Variants in KCNMA1 observed in about 807,000 individuals in gnomAD.
KCNMA1 encodes the protein potassium calcium-activated channel subfamily M alpha 1.
Under a neutral mutation model 140.0 loss-of-function variants are expected in KCNMA1, and 29 were observed. The ratio of observed to expected loss-of-function variants is 0.21; its 90% CI spans 0.15 to 0.28. The LOEUF (loss-of-function observed/expected upper bound fraction) is 0.28. Among genes scored for constraint, KCNMA1 ranks in the 10% least tolerant of loss-of-function variants. KCNMA1 has a pLI of 1.00. For synonymous variants in KCNMA1, 612 were observed against 611.9 expected, an observed-to-expected ratio of 1.00 and a Z score of 0.00; for missense variants, 880 against 1,602.2, an observed-to-expected ratio of 0.55 and a Z score of 7.70.
intron 19 of KCNMA1, among the ~76,000 whole-genome samples, chr10:76,979,235 T>C (rs2078650510): frequency 6.6e-6 from 1 of 152,206 alleles, no homozygotes; most frequent in Admixed American, 6.5e-5. Flanking sequence ...CTCGTGGATT[T>C]ACAAATTGTC....
chr10:77,284,067 A>G (rs1419066357), intron 2 of KCNMA1, among the ~76,000 whole-genome samples: 1 of 152,194 alleles, frequency 6.6e-6, no homozygotes, highest in African/African-American at 2.4e-5. Flanking sequence ...CAGTGGCAAG[A>G]AAGACTATGG....
chr10:76,960,646 T>TTTTTTTAC (rs1565205821), intron 20 of KCNMA1, among the ~76,000 whole-genome samples: 2 of 139,990 alleles, frequency 1.4e-5, no homozygotes, highest in Non-Finnish European at 3.1e-5. Context: ...TTTTTTTTTT[T>TTTTTTTAC]ACAAATTGAA....
chr10:77,046,482 G>T (rs894048643), intron 14 of KCNMA1, among the ~76,000 whole-genome samples: 3 of 152,100 alleles, frequency 2.0e-5, no homozygotes, highest in African/African-American at 7.2e-5. Flanking sequence ...TGTTTGGGCT[G>T]GTTACTAAAA....
intron 2 of KCNMA1, among the ~76,000 whole-genome samples, chr10:77,316,424 A>G (rs2080899137): frequency 6.6e-6 from 1 of 152,188 alleles, no homozygotes; most frequent in African/African-American, 2.4e-5. Context: ...TAAAATACAG[A>G]AGATTTACCA....
intron 26 of KCNMA1, chr10:76,891,317 G>T (rs1727742228): frequency 1.7e-6 from 1 of 598,482 alleles, no homozygotes; most frequent in Non-Finnish European, 3.0e-6. Flanking sequence ...TATATCAAAG[G>T]GTTGCTATGA....
At chr10:77,260,662 T>C (rs1324767770) in intron 2 of KCNMA1, among the ~76,000 whole-genome samples, 1 of 151,972 alleles carries the variant, frequency 6.6e-6, no homozygotes, top group African/African-American at 2.4e-5. Flanking sequence ...TGAGCTGAGA[T>C]CATACCACTG....
At position 77,344,970 on chromosome 10, in the gene KCNMA1, AT is replaced by A. The variant is rs558083355; in HGVS notation, c.540+58891del. 1.7e-3 allele frequency among the ~76,000 whole-genome samples: 256 copies of A among 152,226 alleles called. 2 individuals carry two copies. The highest frequency in any genetic ancestry group is 6.0e-3 in the African/African-American group (249 of 41,552). ...TGTGTTAGTCTTCATAACAATCTTC[AT>A]TTATTCTTTTTGATTATTCCCATGT... On this transcript the variant is annotated intron_variant, in intron 2 of 27. Transcript: ENST00000286628.
intron 2 of KCNMA1, among the ~76,000 whole-genome samples, chr10:77,300,558 T>C (rs1434370217): frequency 6.6e-6 from 1 of 152,216 alleles, no homozygotes; most frequent in Non-Finnish European, 1.5e-5. Context: ...CATATGTTAA[T>C]ACATACTTAA....
intron 1 of KCNMA1, among the ~76,000 whole-genome samples, chr10:77,514,919 A>T (rs2049855657): frequency 6.6e-6 from 1 of 151,396 alleles, no homozygotes; most frequent in Non-Finnish European, 1.5e-5. Context: ...TTTTTTTTCC[A>T]GTAATACAGC....
chr10:77,219,707 C>T (rs2048954652), intron 3 of KCNMA1, among the ~76,000 whole-genome samples: 1 of 152,164 alleles, frequency 6.6e-6, no homozygotes, highest in Admixed American at 6.5e-5. Context: ...GCAAGCTCTG[C>T]CTCCCGGGTT....
intron 3 of KCNMA1, among the ~76,000 whole-genome samples, chr10:77,242,778 T>C (rs181388046): frequency 3.3e-5 from 5 of 152,174 alleles, no homozygotes; most frequent in Admixed American, 2.6e-4. Context: ...ATTGGTACCT[T>C]TAAGGCCACA....
intron 25 of KCNMA1, among the ~76,000 whole-genome samples, chr10:76,897,033 C>CA (rs1003072529): frequency 2.6e-5 from 4 of 151,674 alleles, no homozygotes; most frequent in Non-Finnish European, 5.9e-5. Context: ...CACACACACA[C>CA]ACACACACAC....
At position 77,398,779 on chromosome 10, in the gene KCNMA1, C is replaced by A. The variant is rs539449174; in HGVS notation, c.540+5083G>T. On this transcript the variant is annotated intron_variant, in intron 2 of 27. Transcript: ENST00000286628. Reference sequence around the variant, plus strand: ...TACTATCTGGCCTTTTATGGAAAAACTTACCAACCCTGAATTTGACTACCA... The same window carrying A: ...TACTATCTGGCCTTTTATGGAAAAAATTACCAACCCTGAATTTGACTACCA... 3.9e-5 allele frequency among the ~76,000 whole-genome samples: 6 copies of A among 152,302 alleles called. No individual in the cohort carries two copies. In the East Asian group the frequency reaches 1.2e-3, roughly 29 times the overall value.
At chr10:77,565,075 A>C (rs566660157) in intron 1 of KCNMA1, among the ~76,000 whole-genome samples, 1 of 152,334 alleles carries the variant, frequency 6.6e-6, no homozygotes, top group Admixed American at 6.5e-5. Flanking sequence ...GGGAGCACCC[A>C]TCTCTGTCCC....
chr10:77,177,443 TC>T (rs2098761813), intron 5 of KCNMA1, among the ~76,000 whole-genome samples: 1 of 151,416 alleles, frequency 6.6e-6, no homozygotes, highest in South Asian at 2.1e-4. Flanking sequence ...TCTTTCCTTT[TC>T]TTTTCCTTCC....
chr10:77,379,272 GT>G (rs2095296887), intron 2 of KCNMA1, among the ~76,000 whole-genome samples: 1 of 152,016 alleles, frequency 6.6e-6, no homozygotes, highest in African/African-American at 2.4e-5. Context: ...TACAAATAAA[GT>G]AAAAAAGCAA....
chr10:77,351,256 G>A (rs1314943163), intron 2 of KCNMA1, among the ~76,000 whole-genome samples: 1 of 152,192 alleles, frequency 6.6e-6, no homozygotes, highest in African/African-American at 2.4e-5. Flanking sequence ...AAGGGACAAT[G>A]AAAATGTGAC....
chr10:77,457,700 G>T (rs1056604958), intron 1 of KCNMA1, among the ~76,000 whole-genome samples: 1 of 152,162 alleles, frequency 6.6e-6, no homozygotes. Flanking sequence ...TGGGGTCCCT[G>T]GTGGGATCAG....
intron 14 of KCNMA1, among the ~76,000 whole-genome samples, chr10:77,058,566 T>C (rs539469963): frequency 6.6e-6 from 1 of 152,104 alleles, no homozygotes. Flanking sequence ...AGTAGGTTCT[T>C]AACCATAATG....
Sources: gnomAD v4.1 joint callset for allele counts (sites outside exome capture counted in the v4.1 genomes callset) on GRCh38, gnomAD v4.1.1 for gene constraint, MANE v1.5 for transcripts, NCBI Gene and HGNC (gene_info 2026-07-23, HGNC 2026-07-21) for gene names.